DNAH17: variants seen among roughly 807,000 people sequenced by gnomAD.
DNAH17 encodes axonemal beta dynein heavy chain 17.
DNAH17 carries 376 observed loss-of-function variants against 485.6 expected under a neutral mutation model. The ratio of observed to expected loss-of-function variants is 0.77; its 90% CI spans 0.71 to 0.84. The LOEUF is 0.84. Ranked by LOEUF, DNAH17 falls within the 40% of genes least tolerant of loss-of-function variation. DNAH17 has a pLI of 0.00. For missense variants in DNAH17, 6,370 were observed against 5,839.3 expected, an observed-to-expected ratio of 1.09 and a Z score of -2.96; for synonymous variants, 3,031 against 2,405.9, an observed-to-expected ratio of 1.26 and a Z score of -7.60.
At position 78,449,395 on chromosome 17, in the gene DNAH17, C is replaced by G; in HGVS notation, c.11211+19G>C. ...GCTGGTCCACGGACCACACTAGGAA[C>G]AGTGAGGCTAGACATTACCTGAAAC... is the stretch of plus-strand genomic sequence containing the variant. On this transcript the variant is annotated intron_variant, in intron 69 of 80. Transcript: ENST00000389840. 1 of 1,541,498 alleles carries G rather than the reference C, an allele frequency of 6.5e-7. No homozygotes were observed. Among genetic ancestry groups the G allele is most frequent in the Non-Finnish European group, 8.8e-7 (1 of 1,139,802 alleles).
chr17:78,569,262 G>C lies in DNAH17; in HGVS notation c.1198-10C>G, dbSNP rs774053821. On this transcript the variant is annotated splice_polypyrimidine_tract_variant and intron_variant, in intron 8 of 80. Transcript: ENST00000389840. ...GCACGGGCTCTTTGTCCTTAGAGGAGAGAAAGAGAGATGAGGCCACGTTTG... is the reference window on the plus strand; with the variant it reads ...GCACGGGCTCTTTGTCCTTAGAGGACAGAAAGAGAGATGAGGCCACGTTTG... 1.7e-5 allele frequency: 27 copies of C among 1,599,906 alleles called. No individual in the cohort carries two copies. The highest frequency in any genetic ancestry group is 2.3e-5 in the Non-Finnish European group (27 of 1,173,262).
Position 78,507,260 on chromosome 17 carries a change from G to C in DNAH17, c.4676+18C>G. Reference sequence around the variant, plus strand: ...CTGCACCACTGACTCCCCTGGTCTGGATAGGTGTGAGCCGCACCTCTTCTT... The same window carrying C: ...CTGCACCACTGACTCCCCTGGTCTGCATAGGTGTGAGCCGCACCTCTTCTT... On this transcript the variant is annotated intron_variant, in intron 29 of 80. Transcript: ENST00000389840. 1 of 1,613,384 alleles carries C rather than the reference G, an allele frequency of 6.2e-7. No individual in the cohort carries two copies. Among genetic ancestry groups the C allele is most frequent in the Non-Finnish European group, 8.5e-7 (1 of 1,179,510 alleles).
intron 13 of DNAH17, 143 bp downstream of exon 13, chr17:78,560,597 C>T (rs1437027338): frequency 1.7e-5 from 15 of 864,850 alleles, no homozygotes; most frequent in Non-Finnish European, 1.7e-5. Flanking sequence ...CTTAAATATA[C>T]CCTGGACACA....
chr17:78,499,020 C>T lies in DNAH17; in HGVS notation c.5733G>A (p.Val1911=), dbSNP rs2090177288. ...CAGGGGACTTTACCTGCACGGCAAT[C>T]ACAGACAAGACTTCCACTGAGATGC... ...FNRISVEVLS[V]IAVQVKCVQD... Residue 1911 remains valine, a synonymous_variant, in exon 37 of 81, where the codon GTG becomes GTA. Transcript: ENST00000389840. 1 of 1,609,524 alleles carries T rather than the reference C, an allele frequency of 6.2e-7. No individual in the cohort carries two copies. Among genetic ancestry groups the T allele is most frequent in the East Asian group, 2.2e-5 (1 of 44,480 alleles).
At chr17:78,463,622 C>G (rs1327641669) in intron 56 of DNAH17, among the ~76,000 whole-genome samples, 1 of 152,252 alleles carries the variant, frequency 6.6e-6, no homozygotes, top group Admixed American at 6.5e-5. Context: ...ATTCACATAC[C>G]TGCATACCTG....
chr17:78,439,329 T>C (rs2086978618), intron 72 of DNAH17, 112 bp from the exon 73 acceptor site: 1 of 1,274,220 alleles, frequency 7.8e-7, no homozygotes, highest in South Asian at 1.5e-5. Context: ...GTTTCGGTGG[T>C]GAAATACACA....
In DNAH17 at chr17:78,434,200, G is replaced by A. The variant is rs954430183; in HGVS notation, c.12054C>T (p.Thr4018=). ...GCATGCACTTGAACTCCATCTCCTT[G>A]GTGCACATCTCCAGGGTGTCCTGTG... ...LFTQDTLEMC[T]KEMEFKCMLF... Residue 4018 remains threonine, a synonymous_variant, in exon 75 of 81, where the codon ACC becomes ACT. Coordinates refer to ENST00000389840, the MANE Select transcript of DNAH17 (RefSeq NM_173628.4). 3 of 1,611,430 alleles carry A rather than the reference G, an allele frequency of 1.9e-6. No individual in the cohort carries two copies. Among genetic ancestry groups the A allele is most frequent in the South Asian group, 1.1e-5 (1 of 90,998 alleles).
At position 78,501,216 on chromosome 17, in the gene DNAH17, C is replaced by T. The variant is rs752259026; in HGVS notation, c.5451G>A (p.Thr1817=). Residue 1817 remains threonine, a synonymous_variant, in exon 35 of 81, where the codon ACG becomes ACA. Transcript: ENST00000389840. ...IQYSYEYLGN[T]PRLVITPLTD... ...TGAGTGGGGTGATGACCAGCCGCGGCGTGTTGCCCAGATACTCATAGGAAT... is the reference window on the plus strand; with the variant it reads ...TGAGTGGGGTGATGACCAGCCGCGGTGTGTTGCCCAGATACTCATAGGAAT... 1.8e-5 allele frequency: 29 copies of T among 1,593,552 alleles called. No homozygotes were observed. Among genetic ancestry groups the T allele is most frequent in the East Asian group, 4.5e-5 (2 of 44,252 alleles).
intron 16 of DNAH17, among the ~76,000 whole-genome samples, chr17:78,545,493 T>A (rs2091734752): frequency 6.6e-6 from 1 of 152,164 alleles, no homozygotes; most frequent in South Asian, 2.1e-4. Flanking sequence ...GGCCGCCTTC[T>A]TGTTGTGACC....
intron 69 of DNAH17, 48 bp downstream of exon 69, chr17:78,449,366 C>T: frequency 6.6e-7 from 1 of 1,511,464 alleles, no homozygotes; most frequent in Non-Finnish European, 9.0e-7. Context: ...GGGTCAGTGA[C>T]ACCGCTGGTC....
chr17:78,550,899 C>T (rs1298614421), intron 16 of DNAH17, among the ~76,000 whole-genome samples: 8 of 152,108 alleles, frequency 5.3e-5, no homozygotes, highest in African/African-American at 1.2e-4. Context: ...GAGGAAATTG[C>T]GTGAGAAATT....
rs992904705 is a variant in DNAH17 at position 78,484,940 on chromosome 17, A to G, written c.7577T>C (p.Met2526Thr). Residue 2526 changes from methionine to threonine, a missense_variant, in exon 48 of 81, where the codon ATG becomes ACG. Physicochemically the swap from Met to Thr is moderately conservative, Grantham distance 81. Coordinates refer to ENST00000389840, the MANE Select transcript of DNAH17 (RefSeq NM_173628.4). Reference protein sequence around the residue: ...KLVYFIDDMNMPEVDKYGTVA... With the variant: ...KLVYFIDDMNTPEVDKYGTVA... ...CGTCCCATACTTGTCCACCTCGGGCATGTTCATGTCGTCGATGAAGTAGAC... is the reference window on the plus strand; with the variant it reads ...CGTCCCATACTTGTCCACCTCGGGCGTGTTCATGTCGTCGATGAAGTAGAC... The G allele has an allele frequency of 3.1e-6, 5 of 1,611,014 alleles. No individual in the cohort carries two copies. In the South Asian group the frequency reaches 4.4e-5, roughly 14 times the overall value.
chr17:78,499,308 C>CGAG (rs2090188557), intron 36 of DNAH17, 196 bp from the exon 37 acceptor site: 4 of 411,070 alleles, frequency 9.7e-6, no homozygotes, highest in Non-Finnish European at 1.7e-5. Context: ...GGGCTGGACA[C>CGAG]GAGGAAGAGC....
intron 48 of DNAH17, among the ~76,000 whole-genome samples, chr17:78,482,430 T>C (rs1027224888): frequency 6.6e-6 from 1 of 152,252 alleles, no homozygotes; most frequent in African/African-American, 2.4e-5. Flanking sequence ...CTGTCAATTT[T>C]ATACATTGCA....
Position 78,492,661 on chromosome 17 carries a change from G to T in DNAH17, c.6513C>A (p.Ile2171=), listed in dbSNP as rs1269933482. ...CTTTCCATTCCCTGGTCACTGGGTT[G>T]ATGATGCCAAAGAGCTCGTCGCAGG... is the stretch of plus-strand genomic sequence containing the variant. ...AVTCDELFGI[I]NPVTREWKDG... Residue 2171 remains isoleucine (I), a synonymous_variant, in exon 42 of 81, where the codon ATC becomes ATA. Transcript: ENST00000389840. 6.2e-7 allele frequency: 1 copy of T among 1,613,680 alleles called. No homozygotes were observed. Among genetic ancestry groups the T allele is most frequent in the African/African-American group, 1.3e-5 (1 of 74,908 alleles).
chr17:78,484,885 G>A lies in DNAH17; in HGVS notation c.7632C>T (p.His2544=), dbSNP rs759448724. 4.5e-6 allele frequency: 7 copies of A among 1,572,344 alleles called. No individual in the cohort carries two copies. In the African/African-American group the frequency reaches 8.1e-5, roughly 18 times the overall value. The part of the protein sequence containing the change: ...TVAPHTLIRQ[H]MDHRHWYDRH... ...CGTCTAACCAGTGCCGGTGGTCCAT[G>A]TGCTGCCGGATGAGGGTGTGCGGGG... is the stretch of plus-strand genomic sequence containing the variant. The change falls in exon 48 of 81, where the codon CAC becomes CAT. Residue 2544 remains histidine, a synonymous_variant. Coordinates refer to ENST00000389840, the MANE Select transcript of DNAH17 (RefSeq NM_173628.4).
intron 31 of DNAH17, among the ~76,000 whole-genome samples, chr17:78,504,447 A>C (rs1359807648): frequency 6.7e-6 from 1 of 149,380 alleles, no homozygotes; most frequent in Admixed American, 6.8e-5. Context: ...TAAGCCCAGG[A>C]AGCGAATCTA....
intron 48 of DNAH17, 100 bp from the exon 49 acceptor site, chr17:78,480,886 T>C (rs2146622586): frequency 4.9e-6 from 4 of 821,110 alleles, no homozygotes; most frequent in Non-Finnish European, 8.0e-6. Flanking sequence ...TTATTATTTT[T>C]TTGAGACAGA....
At position 78,548,273 on chromosome 17, in the gene DNAH17, C is replaced by T. The variant is rs541189141; in HGVS notation, c.2391+3262G>A. On this transcript the variant is annotated intron_variant, in intron 16 of 80. Coordinates refer to ENST00000389840, the MANE Select transcript of DNAH17 (RefSeq NM_173628.4). ...AGGCTGGAGTGCAGTGGCACGATCT[C>T]GGCTCACTGCAAGCTCCGCCTCCTG... Among the ~76,000 whole-genome samples, 22 of 134,310 alleles carry T rather than the reference C, an allele frequency of 1.6e-4. No homozygotes were observed. The East Asian group carries it at 3.6e-3, about 22-fold the overall frequency. 88.1% of individuals were successfully genotyped at this position (134,310 alleles called of 152,430 possible).
Sources: gnomAD v4.1 joint callset for allele counts (sites outside exome capture counted in the v4.1 genomes callset) on GRCh38, gnomAD v4.1.1 for gene constraint, MANE v1.5 for transcripts, NCBI Gene and HGNC (gene_info 2026-07-23, HGNC 2026-07-21) for gene names.